NWD1: variants seen among roughly 807,000 people sequenced by gnomAD.
NWD1 encodes the protein NACHT domain- and WD repeat-containing protein 1.
In NWD1, 129 loss-of-function variants were observed where a neutral mutation model predicts 135.1. The ratio of observed to expected loss-of-function variants is 0.96; its 90% CI spans 0.83 to 1.11. NWD1 has a LOEUF of 1.11. Among genes scored for constraint, NWD1 ranks in the 50% least tolerant of loss-of-function variants. The pLI, the probability that NWD1 is intolerant of heterozygous loss-of-function variation, is 0.00. For synonymous variants in NWD1, 773 were observed against 786.0 expected, an observed-to-expected ratio of 0.98 and a Z score of 0.28; for missense variants, 1,740 against 1,851.3, an observed-to-expected ratio of 0.94 and a Z score of 1.10.
intron 13 of NWD1, among the ~76,000 whole-genome samples, chr19:16,790,024 A>G (rs1408471047): frequency 6.6e-6 from 1 of 152,040 alleles, no homozygotes; most frequent in Non-Finnish European, 1.5e-5. Flanking sequence ...AGCTTGTTTT[A>G]TAGTCTCTCT....
chr19:16,812,095 G>A (rs1470918812), intron 18 of NWD1, among the ~76,000 whole-genome samples: 2 of 152,170 alleles, frequency 1.3e-5, no homozygotes, highest in African/African-American at 2.4e-5. Flanking sequence ...CAGATCACTT[G>A]AGGTCAGTTC....
chr19:16,765,296 C>A, intron 10 of NWD1, 104 bp downstream of exon 10: 2 of 1,103,274 alleles, frequency 1.8e-6, no homozygotes, highest in South Asian at 1.6e-5. Context: ...AATTCTCATA[C>A]CTTTCCTGTC....
rs933869922 is a variant in NWD1, at chr19:16,745,158, G to A, written c.496+440G>A. On this transcript the variant is annotated intron_variant, in intron 5 of 18. Transcript: ENST00000524140. ...CTTACATGGTGGCAGGTAAGACAGA[G>A]TGAGAGCCAAGCGAAAGGGGAAATT... The A allele has an allele frequency of 4.8e-5, 21 of 434,894 alleles. No individual in the cohort carries two copies. The Admixed American group carries it at 5.5e-4, about 11-fold the overall frequency. The allele number at this position is 434,894 out of a possible 1,614,324, so 26.9% of individuals were successfully genotyped here.
chr19:16,813,972 C>A (rs938027856), intron 18 of NWD1, among the ~76,000 whole-genome samples: 1 of 150,818 alleles, frequency 6.6e-6, no homozygotes, highest in African/African-American at 2.4e-5. Flanking sequence ...GACAACATAG[C>A]GAGACTCTGT....
intron 4 of NWD1, among the ~76,000 whole-genome samples, chr19:16,738,700 G>A (rs942282760): frequency 7.7e-5 from 11 of 143,272 alleles, no homozygotes. Flanking sequence ...TTATGAGCCA[G>A]GAATAATGGG....
intron 12 of NWD1, among the ~76,000 whole-genome samples, chr19:16,781,561 A>G (rs1320981361): frequency 6.6e-6 from 1 of 151,818 alleles, no homozygotes; most frequent in African/African-American, 2.4e-5. Context: ...GGCTACAGTG[A>G]GCTGTGATTA....
At chr19:16,794,371 CA>C (rs201592521) in intron 14 of NWD1, 91 bp from the exon 15 acceptor site, 85 of 736,620 alleles carry the variant, frequency 1.2e-4, no homozygotes, top group Admixed American at 1.7e-4. Context: ...ATCTCAAAAA[CA>C]AAAAAAATAA....
chr19:16,759,124 C>T (rs753796796), intron 6 of NWD1, 101 bp from the exon 7 acceptor site: 40 of 918,598 alleles, frequency 4.4e-5, no homozygotes, highest in Non-Finnish European at 6.7e-5. Flanking sequence ...ATGTGCTGGA[C>T]ACCGCGCGGG....
chr19:16,807,710 G>A lies in NWD1; in HGVS notation c.3861G>A (p.Arg1287=), dbSNP rs1376989916. The A allele has an allele frequency of 5.6e-6, 9 of 1,613,566 alleles. No homozygotes were observed. The highest frequency in any genetic ancestry group is 1.7e-5 in the Admixed American group (1 of 59,932). ...GVVLVFPLNS[R]QDVICIPPPE... is the part of the protein sequence containing the mutation. ...TCCTTGTGTTCCCCCTGAATTCCAG[G>A]CAGGACGTGATATGCATTCCCCCTC... Residue 1287 remains arginine (R), a synonymous_variant, in exon 18 of 19, where the codon AGG becomes AGA. Coordinates refer to ENST00000524140, the MANE Select transcript of NWD1 (RefSeq NM_001007525.5).
At chr19:16,809,559 CTT>C (rs55774128) in intron 18 of NWD1, among the ~76,000 whole-genome samples, 8 of 123,320 alleles carry the variant, frequency 6.5e-5, no homozygotes, top group Non-Finnish European at 3.4e-5. Flanking sequence ...TTTTCTTTTT[CTT>C]TTTTTTTTTT....
chr19:16,776,210 A>G (rs1969594230), intron 11 of NWD1, among the ~76,000 whole-genome samples: 1 of 152,216 alleles, frequency 6.6e-6, no homozygotes, highest in East Asian at 1.9e-4. Context: ...CCCGCTGTAC[A>G]TCCTCTAGTT....
At chr19:16,770,419 C>T (rs924311728) in intron 10 of NWD1, among the ~76,000 whole-genome samples, 1 of 152,114 alleles carries the variant, frequency 6.6e-6, no homozygotes, top group African/African-American at 2.4e-5. Context: ...CTGAGGCCTC[C>T]CCAGCCCTGC....
chr19:16,761,442 C>T, intron 7 of NWD1, among the ~76,000 whole-genome samples: 1 of 151,458 alleles, frequency 6.6e-6, no homozygotes, highest in East Asian at 1.9e-4. Flanking sequence ...AGTGGCACCA[C>T]CTCAGCTCAC....
chr19:16,812,986 A>C (rs1970971491), intron 18 of NWD1: 3 of 654,554 alleles, frequency 4.6e-6, no homozygotes, highest in Non-Finnish European at 8.3e-6. Context: ...AGGTGTCTGC[A>C]GGCAAAGGCA....
intron 6 of NWD1, among the ~76,000 whole-genome samples, chr19:16,751,407 G>A (rs1457848474): frequency 6.7e-6 from 1 of 149,858 alleles, no homozygotes; most frequent in Non-Finnish European, 1.5e-5. Flanking sequence ...GAAGGAAGGA[G>A]ACAGAAAGGA....
chr19:16,793,374 C>T (rs1189772239), intron 14 of NWD1, among the ~76,000 whole-genome samples: 1 of 151,986 alleles, frequency 6.6e-6, no homozygotes, highest in Non-Finnish European at 1.5e-5. Context: ...GCTGGGACTA[C>T]AGGCGCATGC....
intron 6 of NWD1, among the ~76,000 whole-genome samples, chr19:16,758,889 A>G (rs1599478874): frequency 6.6e-6 from 1 of 151,516 alleles, no homozygotes; most frequent in Non-Finnish European, 1.5e-5. Context: ...CTGTAGTCCC[A>G]GCTACTCAGG....
intron 12 of NWD1, among the ~76,000 whole-genome samples, chr19:16,782,776 G>C (rs966130276): frequency 2.0e-5 from 3 of 151,802 alleles, no homozygotes; most frequent in African/African-American, 7.3e-5. Context: ...CTTGAGCCCG[G>C]GTGTTTGAGT....
intron 3 of NWD1, among the ~76,000 whole-genome samples, chr19:16,731,942 C>T (rs1009307691): frequency 4.0e-5 from 6 of 151,794 alleles, no homozygotes; most frequent in South Asian, 2.1e-4. Context: ...TGGGACTGGG[C>T]GCGGTGGCTG....
Sources: gnomAD v4.1 joint callset for allele counts (sites outside exome capture counted in the v4.1 genomes callset) on GRCh38, gnomAD v4.1.1 for gene constraint, MANE v1.5 for transcripts, NCBI Gene and HGNC (gene_info 2026-07-23, HGNC 2026-07-21) for gene names.